Variants in BNC2 observed in about 807,000 individuals in gnomAD.
BNC2 encodes the protein zinc finger protein basonuclin-2.
BNC2 carries 20 observed loss-of-function variants against 76.3 expected under a neutral mutation model. The ratio of observed to expected loss-of-function variants is 0.26; its 90% CI spans 0.18 to 0.38. BNC2 has a LOEUF of 0.38. Ranked by LOEUF, BNC2 falls within the 10% of genes least tolerant of loss-of-function variation. The pLI, the probability that BNC2 is intolerant of heterozygous loss-of-function variation, is 1.00. For synonymous variants in BNC2, 582 were observed against 514.8 expected (o/e 1.13, Z -1.77); for missense variants, 1,382 against 1,399.8 (o/e 0.99, Z 0.20).
At chr9:16,518,824 C>G (rs766798520) in intron 5 of BNC2, among the ~76,000 whole-genome samples, 1 of 152,156 alleles carries the variant, frequency 6.6e-6, no homozygotes, top group East Asian at 1.9e-4. Flanking sequence ...TGGTCCCGAT[C>G]TCCTGACCTC....
intron 1 of BNC2, among the ~76,000 whole-genome samples, chr9:16,790,706 C>G (rs781781028): frequency 2.0e-5 from 3 of 152,046 alleles, no homozygotes; most frequent in African/African-American, 4.8e-5. Context: ...TCCTTTTCAT[C>G]ACAACCACTT....
At chr9:16,854,155 T>A (rs1389953585) in intron 1 of BNC2, among the ~76,000 whole-genome samples, 2 of 152,198 alleles carry the variant, frequency 1.3e-5, no homozygotes, top group Non-Finnish European at 2.9e-5. Context: ...AGCAGATTAT[T>A]CTTGATGTTC....
intron 4 of BNC2, 83 bp from the exon 5 acceptor site, chr9:16,552,848 G>A: frequency 8.7e-7 from 1 of 1,149,352 alleles, no homozygotes; most frequent in Non-Finnish European, 1.3e-6. Flanking sequence ...AAATATTGCT[G>A]GAAGTTACCA....
At chr9:16,727,191 G>GCTGGCAAGGA (rs1824361997) in intron 3 of BNC2, 1 of 152,924 alleles carries the variant, frequency 6.5e-6, no homozygotes, top group Non-Finnish European at 1.5e-5. Context: ...CAGAGGGCTG[G>GCTGGCAAGGA]CTGGCAAGGA....
At chr9:16,688,205 T>G (rs932572379) in intron 3 of BNC2, among the ~76,000 whole-genome samples, 44 of 152,186 alleles carry the variant, frequency 2.9e-4, no homozygotes, top group African/African-American at 1.0e-3. Flanking sequence ...GGGAAATCTT[T>G]CAACACGGAA....
At chr9:16,667,044 C>G (rs543045814) in intron 3 of BNC2, among the ~76,000 whole-genome samples, 35 of 151,698 alleles carry the variant, frequency 2.3e-4, no homozygotes, top group African/African-American at 8.2e-4. Context: ...AAGCTAAATA[C>G]TAATTTCAGA....
intron 3 of BNC2, among the ~76,000 whole-genome samples, chr9:16,589,522 T>TTTGC (rs1819865496): frequency 2.0e-5 from 3 of 151,574 alleles, no homozygotes; most frequent in African/African-American, 7.3e-5. Flanking sequence ...TGTTTGTTTG[T>TTTGC]TTTTGAGACG....
intron 1 of BNC2, among the ~76,000 whole-genome samples, chr9:16,751,698 A>ATATATGTATGTGTG (rs1271866084): frequency 1.0e-4 from 14 of 140,258 alleles, no homozygotes; most frequent in African/African-American, 3.7e-4. Flanking sequence ...GTGTGTATAT[A>ATATATGTATGTGTG]TATATATATG....
intron 1 of BNC2, among the ~76,000 whole-genome samples, chr9:16,805,906 C>T (rs1817898167): frequency 6.6e-6 from 1 of 152,132 alleles, no homozygotes; most frequent in Non-Finnish European, 1.5e-5. Context: ...ATATTGGTAA[C>T]TGATTACAAA....
intron 5 of BNC2, among the ~76,000 whole-genome samples, chr9:16,491,432 G>T (rs1487567682): frequency 6.6e-6 from 1 of 152,154 alleles, no homozygotes; most frequent in Non-Finnish European, 1.5e-5. Context: ...AAACTTAAGA[G>T]GATCAGAGGT....
intron 5 of BNC2, 52 bp downstream of exon 5, chr9:16,552,478 C>T: frequency 6.6e-7 from 1 of 1,516,670 alleles, no homozygotes; most frequent in Non-Finnish European, 9.1e-7. Flanking sequence ...TCTCACCCTT[C>T]CCCACCCACA....
intron 5 of BNC2, chr9:16,473,143 T>G (rs1255854127): frequency 6.6e-6 from 1 of 152,246 alleles, no homozygotes; most frequent in African/African-American, 2.4e-5. Context: ...GCAGACAAAA[T>G]GGCACTTGTC....
chr9:16,430,753 T>C (rs577066720), intron 6 of BNC2, among the ~76,000 whole-genome samples: 3 of 152,312 alleles, frequency 2.0e-5, no homozygotes, highest in Admixed American at 1.3e-4. Flanking sequence ...AAGGAACAAA[T>C]TTAGTTCTGG....
intron 1 of BNC2, among the ~76,000 whole-genome samples, chr9:16,782,769 T>A (rs118078774): frequency 6.6e-6 from 1 of 152,164 alleles, no homozygotes; most frequent in Non-Finnish European, 1.5e-5. Flanking sequence ...TCTAAGATAC[T>A]CTGAAGGCCA....
At chr9:16,465,434 C>CAAAAACAA (rs530327240) in intron 5 of BNC2, among the ~76,000 whole-genome samples, 1 of 84,290 alleles carries the variant, frequency 1.2e-5, no homozygotes. Flanking sequence ...ACTCCAACTC[C>CAAAAACAA]AAAAAAAAAA....
intron 5 of BNC2, among the ~76,000 whole-genome samples, chr9:16,455,083 G>A (rs1186543790): frequency 2.0e-5 from 3 of 152,220 alleles, no homozygotes; most frequent in Non-Finnish European, 4.4e-5. Flanking sequence ...AGGTGCAAAT[G>A]TGAGAAATGA....
chr9:16,444,196 T>C (rs1306258348), intron 5 of BNC2, among the ~76,000 whole-genome samples: 1 of 152,130 alleles, frequency 6.6e-6, no homozygotes, highest in East Asian at 1.9e-4. Context: ...AACTCCTATT[T>C]ATTTTTACCT....
chr9:16,646,866 G>C (rs377147954), intron 3 of BNC2, among the ~76,000 whole-genome samples: 1 of 152,246 alleles, frequency 6.6e-6, no homozygotes, highest in South Asian at 2.1e-4. Flanking sequence ...AATCCATAGA[G>C]GGTCTACTGG....
intron 5 of BNC2, among the ~76,000 whole-genome samples, chr9:16,504,106 T>C (rs1822576802): frequency 6.6e-6 from 1 of 152,156 alleles, no homozygotes. Flanking sequence ...AGATGTCATC[T>C]TAGCAACAGC....
Sources: allele counts gnomAD v4.1 joint callset (sites outside exome capture counted in the v4.1 genomes callset), GRCh38; gene constraint gnomAD v4.1.1; transcripts MANE v1.5; gene names NCBI Gene and HGNC (gene_info 2026-07-23, HGNC 2026-07-21).